The following FHL2 variants were observed in gnomAD, a reference collection of about 807,000 sequenced individuals.
The protein encoded by FHL2 is four and a half LIM domains protein 2.
In FHL2, 20 loss-of-function variants were observed where a neutral mutation model predicts 32.7. That is an observed-to-expected ratio of 0.61 (90% confidence interval 0.43 to 0.89). The LOEUF (loss-of-function observed/expected upper bound fraction) is 0.89, where lower values mean the gene tolerates loss of function less well. Among genes scored for constraint, FHL2 ranks in the 40% least tolerant of loss-of-function variants. FHL2 has a pLI of 0.00. For missense variants in FHL2, 311 were observed against 358.6 expected, an observed-to-expected ratio of 0.87 and a Z score of 1.07; for synonymous variants, 123 against 128.1, an observed-to-expected ratio of 0.96 and a Z score of 0.27.
Position 105,367,585 on chromosome 2 carries a change from G to A in FHL2, c.486C>T (p.Cys162=), listed in dbSNP as rs373978741. ...TCTGAGATACCTTTTTGCACTGAACGCACTGCATGGCATGTTGTTTCTCAT... is the reference window on the plus strand; with the variant it reads ...TCTGAGATACCTTTTTGCACTGAACACACTGCATGGCATGTTGTTTCTCAT... ...PCYEKQHAMQ[C]VQCKKPITTG... is the part of the protein sequence containing the mutation. Residue 162 remains cysteine, a synonymous_variant, in exon 5 of 7, where the codon TGC becomes TGT. Coordinates refer to ENST00000530340, the MANE Select transcript of FHL2 (RefSeq NM_001318895.3). The A allele has an allele frequency of 3.3e-5, 53 of 1,613,416 alleles. No homozygotes were observed. Among genetic ancestry groups the A allele is most frequent in the South Asian group, 3.2e-4 (29 of 90,994 alleles).
upstream of FHL2, chr2:105,399,088 C>G (rs1278043552): frequency 1.3e-6 from 2 of 1,486,156 alleles, no homozygotes; most frequent in African/African-American, 1.5e-5. Context: ...AGAAACCCCG[C>G]CGTGTCATTT....
intron 1 of FHL2, among the ~76,000 whole-genome samples, chr2:105,433,023 G>A (rs1684483339): frequency 6.6e-6 from 1 of 152,194 alleles, no homozygotes; most frequent in Non-Finnish European, 1.5e-5. Flanking sequence ...ATATTTATTA[G>A]TCAGTTGTGC....
At chr2:105,398,571 G>A (rs1683304325) in intron 1 of FHL2, among the ~76,000 whole-genome samples, 1 of 152,214 alleles carries the variant, frequency 6.6e-6, no homozygotes, top group Non-Finnish European at 1.5e-5. Flanking sequence ...CCGCATGGCG[G>A]TGCCCCACCT....
In FHL2 at chr2:105,360,877, A is replaced by G. The variant is rs1314453027; in HGVS notation, c.*406T>C. On this transcript the variant is annotated 3_prime_UTR_variant, in exon 7 of 7. Coordinates refer to ENST00000530340, the MANE Select transcript of FHL2 (RefSeq NM_001318895.3). Reference sequence around the variant, plus strand: ...GTCACATAATCTTGGTTTAGACTTGACGCAACGGGAGGTTACAGAGCTGTA... The same window carrying G: ...GTCACATAATCTTGGTTTAGACTTGGCGCAACGGGAGGTTACAGAGCTGTA... The G allele has an allele frequency of 6.3e-6, 1 of 158,196 alleles. No individual in the cohort carries two copies. The highest frequency in any genetic ancestry group is 1.4e-5 in the Non-Finnish European group (1 of 71,924). The allele number at this position is 158,196 out of a possible 1,614,324, so 9.8% of individuals were successfully genotyped here.
chr2:105,388,276 G>C (rs1369578652), intron 2 of FHL2, among the ~76,000 whole-genome samples: 1 of 152,070 alleles, frequency 6.6e-6, no homozygotes, highest in Non-Finnish European at 1.5e-5. Context: ...TTTAAAATAA[G>C]GGGTCTCCAT....
intron 1 of FHL2, among the ~76,000 whole-genome samples, chr2:105,432,603 AG>A (rs34788482): frequency 0.046 from 6,941 of 152,310 alleles, 215 homozygotes; most frequent in Admixed American, 0.083. Context: ...TACAGAGTTT[AG>A]AATTTTTTCA....
chr2:105,415,860 G>A (rs780982104), intron 1 of FHL2, among the ~76,000 whole-genome samples: 10 of 152,254 alleles, frequency 6.6e-5, no homozygotes, highest in African/African-American at 9.6e-5. Flanking sequence ...GTGGGAAAAT[G>A]GCCCATATGG....
At position 105,399,022 on chromosome 2, in the gene FHL2, T is replaced by C; in HGVS notation, c.-256A>G. On this transcript the variant is annotated 5_prime_UTR_variant, in exon 1 of 7. Coordinates refer to ENST00000530340, the MANE Select transcript of FHL2 (RefSeq NM_001318895.3). ...GACGGGGCTGGAGGGCGCGGGCGGC[T>C]GGTGGCTGCGGCTCCGCTGCCGGCC... 1 of 1,495,200 alleles carries C rather than the reference T, an allele frequency of 6.7e-7. No homozygotes were observed. The highest frequency in any genetic ancestry group is 8.9e-7 in the Non-Finnish European group (1 of 1,125,500). 92.6% of individuals were successfully genotyped at this position (1,495,200 alleles called of 1,614,324 possible).
chr2:105,431,721 C>G (rs1214044926), intron 1 of FHL2, among the ~76,000 whole-genome samples: 1 of 152,224 alleles, frequency 6.6e-6, no homozygotes, highest in Non-Finnish European at 1.5e-5. Flanking sequence ...GACACACTGT[C>G]TAATTTAAGT....
intron 1 of FHL2, among the ~76,000 whole-genome samples, chr2:105,433,545 T>C (rs1684502095): frequency 1.3e-5 from 2 of 152,188 alleles, no homozygotes; most frequent in African/African-American, 2.4e-5. Flanking sequence ...GTGGGATTAG[T>C]GTGAAACTGG....
At chr2:105,435,164 A>T in intron 1 of FHL2, among the ~76,000 whole-genome samples, 1 of 151,764 alleles carries the variant, frequency 6.6e-6, no homozygotes, top group East Asian at 1.9e-4. Flanking sequence ...CAAAAGTTCT[A>T]TGCAAACTTT....
intron 1 of FHL2, among the ~76,000 whole-genome samples, chr2:105,405,788 G>A (rs892606738): frequency 6.6e-6 from 1 of 152,262 alleles, no homozygotes; most frequent in Non-Finnish European, 1.5e-5. Context: ...GGCAGGGGGT[G>A]AACCCCAGGT....
intron 3 of FHL2, among the ~76,000 whole-genome samples, chr2:105,381,802 A>T (rs1434409519): frequency 6.6e-6 from 1 of 152,202 alleles, no homozygotes; most frequent in African/African-American, 2.4e-5. Flanking sequence ...TTGAGAACTT[A>T]AAAACCACCC....
intron 1 of FHL2, among the ~76,000 whole-genome samples, chr2:105,435,466 A>T (rs1432616752): frequency 6.6e-6 from 1 of 152,198 alleles, no homozygotes. Context: ...AACTAAGCCC[A>T]GGCAAAAAGC....
At chr2:105,430,011 C>T (rs1051091823) in intron 1 of FHL2, among the ~76,000 whole-genome samples, 2 of 152,186 alleles carry the variant, frequency 1.3e-5, no homozygotes, top group Non-Finnish European at 2.9e-5. Context: ...CTTGCCTGGG[C>T]CCAGTGTGAA....
At chr2:105,382,777 C>G (rs1297289392) in intron 3 of FHL2, among the ~76,000 whole-genome samples, 2 of 152,162 alleles carry the variant, frequency 1.3e-5, no homozygotes, top group Non-Finnish European at 2.9e-5. Context: ...CTTGCAGACC[C>G]ATGGAACATT....
At chr2:105,359,933 G>C (rs1680148930), downstream of FHL2, 1 of 152,198 alleles carries the variant, frequency 6.6e-6, no homozygotes, top group Non-Finnish European at 1.5e-5. Context: ...AAAATGACCT[G>C]AAAATTGGCT....
intron 6 of FHL2, chr2:105,363,004 AG>A: frequency 2.5e-6 from 1 of 392,352 alleles, no homozygotes; most frequent in African/African-American, 2.0e-5. Flanking sequence ...ACAGGCTCAC[AG>A]ACTGCAGTTT....
chr2:105,405,260 T>G (rs1408631891), intron 1 of FHL2, among the ~76,000 whole-genome samples: 1 of 152,218 alleles, frequency 6.6e-6, no homozygotes, highest in Non-Finnish European at 1.5e-5. Context: ...CAAAATCCAT[T>G]TAAAGGAAGT....
Sources: allele counts gnomAD v4.1 joint callset (sites outside exome capture counted in the v4.1 genomes callset), GRCh38; gene constraint gnomAD v4.1.1; transcripts MANE v1.5; gene names NCBI Gene and HGNC (gene_info 2026-07-23, HGNC 2026-07-21).